The following IL12RB2 variants were observed in gnomAD, a reference collection of about 807,000 sequenced individuals.
The protein encoded by IL12RB2 is interleukin-12 receptor subunit beta-2.
IL12RB2 carries 82 observed loss-of-function variants against 89.4 expected under a neutral mutation model. The observed-to-expected ratio is 0.92, with a 90% CI of 0.77 to 1.10. IL12RB2 has a LOEUF of 1.10. IL12RB2 is among the 50% of genes least tolerant of loss of function. The probability of loss-of-function intolerance (pLI) is 0.00; values close to 1 mark genes in which losing one functional copy is unlikely to be tolerated. For missense variants in IL12RB2, 963 were observed against 1,031.9 expected (o/e 0.93, Z 0.92); for synonymous variants, 368 against 370.1 (o/e 0.99, Z 0.07).
At chr1:67,347,027 C>G (rs984638673) in intron 9 of IL12RB2, among the ~76,000 whole-genome samples, 3 of 152,140 alleles carry the variant, frequency 2.0e-5, no homozygotes, top group Non-Finnish European at 4.4e-5. Context: ...TCATTGAATG[C>G]TCCAATAAGC....
chr1:67,329,583 C>T lies in IL12RB2; in HGVS notation c.665-4C>T. 6.4e-7 allele frequency: 1 copy of T among 1,564,116 alleles called. No individual in the cohort carries two copies. The highest frequency in any genetic ancestry group is 8.8e-7 in the Non-Finnish European group (1 of 1,134,392). Reference sequence around the variant, plus strand: ...CACACTTTTTTGTTTGTCCTGGTTACTAGTGAGGCCTCTTCCTCCGTGGGA... The same window carrying T: ...CACACTTTTTTGTTTGTCCTGGTTATTAGTGAGGCCTCTTCCTCCGTGGGA... On this transcript the variant is annotated splice_polypyrimidine_tract_variant and splice_region_variant and intron_variant, in intron 6 of 16. Coordinates refer to ENST00000674203, the MANE Select transcript of IL12RB2 (RefSeq NM_001374259.2).
chr1:67,380,732 G>A (rs911253724), intron 14 of IL12RB2, among the ~76,000 whole-genome samples: 1 of 152,162 alleles, frequency 6.6e-6, no homozygotes, highest in African/African-American at 2.4e-5. Flanking sequence ...GGAGGGCTAT[G>A]AGAGAGAATC....
intron 13 of IL12RB2, among the ~76,000 whole-genome samples, chr1:67,375,201 C>G (rs1663829920): frequency 6.6e-6 from 1 of 152,090 alleles, no homozygotes; most frequent in Admixed American, 6.6e-5. Flanking sequence ...TCAAGACCAG[C>G]CTGGGCAACA....
intron 9 of IL12RB2, among the ~76,000 whole-genome samples, chr1:67,345,254 T>C (rs1047762284): frequency 6.6e-6 from 1 of 152,212 alleles, no homozygotes. Flanking sequence ...AAGTAATTCA[T>C]TTTGACAAAC....
intron 16 of IL12RB2, among the ~76,000 whole-genome samples, chr1:67,393,401 G>A (rs1666036192): frequency 6.6e-6 from 1 of 152,212 alleles, no homozygotes; most frequent in Non-Finnish European, 1.5e-5. Context: ...TAAAAGCCGT[G>A]AGAGTTGCTC....
chr1:67,320,932 C>T (rs1656423438), intron 3 of IL12RB2, among the ~76,000 whole-genome samples: 2 of 149,984 alleles, frequency 1.3e-5, no homozygotes, highest in South Asian at 2.2e-4. Context: ...TGCCCACCCC[C>T]ACCCCCGTGT....
chr1:67,309,704 C>T (rs972202546), intron 1 of IL12RB2, among the ~76,000 whole-genome samples: 5 of 152,082 alleles, frequency 3.3e-5, no homozygotes, highest in African/African-American at 9.7e-5. Context: ...AAAAAAAATT[C>T]GAAAGCACAC....
At chr1:67,313,404 A>G (rs1184153145) in intron 1 of IL12RB2, among the ~76,000 whole-genome samples, 5 of 152,184 alleles carry the variant, frequency 3.3e-5, no homozygotes, top group African/African-American at 1.2e-4. Flanking sequence ...GAAACATAGT[A>G]AGAGATCAAA....
At chr1:67,395,066 G>A (rs903755415) in intron 16 of IL12RB2, among the ~76,000 whole-genome samples, 2 of 152,176 alleles carry the variant, frequency 1.3e-5, no homozygotes, top group South Asian at 2.1e-4. Flanking sequence ...TCAGGAGTTC[G>A]AGACCAGCCT....
At chr1:67,385,426 C>T (rs1665030312) in intron 14 of IL12RB2, among the ~76,000 whole-genome samples, 1 of 152,184 alleles carries the variant, frequency 6.6e-6, no homozygotes, top group Non-Finnish European at 1.5e-5. Context: ...GGGTCCCTCC[C>T]ACCACATGTG....
intron 2 of IL12RB2, among the ~76,000 whole-genome samples, chr1:67,315,554 C>T (rs984973385): frequency 1.3e-5 from 2 of 152,116 alleles, no homozygotes; most frequent in African/African-American, 2.4e-5. Context: ...CTCCTAGGGT[C>T]TTGGTTGAGT....
intron 13 of IL12RB2, among the ~76,000 whole-genome samples, chr1:67,374,699 C>T (rs866306861): frequency 2.1e-4 from 31 of 149,232 alleles, no homozygotes; most frequent in Middle Eastern, 6.8e-3. Flanking sequence ...TGGTCTTGAA[C>T]GCCTAACCTC....
At chr1:67,323,067 A>G (rs1656789770) in intron 4 of IL12RB2, among the ~76,000 whole-genome samples, 1 of 152,242 alleles carries the variant, frequency 6.6e-6, no homozygotes, top group South Asian at 2.1e-4. Flanking sequence ...CATCTCTGTC[A>G]TAAAGGCAGT....
intron 9 of IL12RB2, among the ~76,000 whole-genome samples, chr1:67,341,283 G>A (rs1477563810): frequency 6.6e-6 from 1 of 152,102 alleles, no homozygotes; most frequent in Non-Finnish European, 1.5e-5. Context: ...GCTGGGTGTG[G>A]TGATGCCCAC....
intron 2 of IL12RB2, 119 bp downstream of exon 2, chr1:67,314,119 T>C (rs1316324580): frequency 6.6e-6 from 1 of 152,152 alleles, no homozygotes; most frequent in African/African-American, 2.4e-5. Flanking sequence ...AAACAATCAT[T>C]TGGTTGTCTG....
intron 15 of IL12RB2, 21 bp downstream of exon 15, chr1:67,386,690 A>G (rs1374796485): frequency 1.3e-6 from 2 of 1,481,826 alleles, no homozygotes; most frequent in South Asian, 2.3e-5. Flanking sequence ...TACACCTACC[A>G]AGTGGGTAAA....
chr1:67,326,605 T>TA, intron 4 of IL12RB2, 130 bp from the exon 5 acceptor site: 1 of 1,451,688 alleles, frequency 6.9e-7, no homozygotes. Flanking sequence ...GAATGGAATC[T>TA]AAAATAGCTT....
At chr1:67,332,958 A>C (rs1658287337) in intron 8 of IL12RB2, among the ~76,000 whole-genome samples, 2 of 152,204 alleles carry the variant, frequency 1.3e-5, no homozygotes, top group South Asian at 4.1e-4. Context: ...CAGCACAGTA[A>C]CTTTCTTATT....
chr1:67,356,499 G>A (rs1183073136), intron 10 of IL12RB2, among the ~76,000 whole-genome samples: 1 of 152,144 alleles, frequency 6.6e-6, no homozygotes, highest in Non-Finnish European at 1.5e-5. Flanking sequence ...CCCATCCCAT[G>A]GGCCTGGCAG....
Sources: allele counts gnomAD v4.1 joint callset (sites outside exome capture counted in the v4.1 genomes callset), GRCh38; gene constraint gnomAD v4.1.1; transcripts MANE v1.5; gene names NCBI Gene and HGNC (gene_info 2026-07-23, HGNC 2026-07-21).